The following PKD1L1 variants were observed in gnomAD, a reference collection of about 807,000 sequenced individuals.
PKD1L1 encodes the protein polycystin 1 like 1, transient receptor potential channel interacting.
In PKD1L1, 236 loss-of-function variants were observed where a neutral mutation model predicts 323.4. That is an observed-to-expected ratio of 0.73 (90% CI 0.66 to 0.81). PKD1L1 has a LOEUF of 0.81. Among genes scored for constraint, PKD1L1 ranks in the 40% least tolerant of loss-of-function variants. PKD1L1 has a pLI of 0.00. For synonymous variants in PKD1L1, 1,344 were observed against 1,335.0 expected (o/e 1.01, Z -0.15); for missense variants, 3,320 against 3,508.0 (o/e 0.95, Z 1.35).
rs114351478 is a variant in PKD1L1, at chr7:47,823,189, T to A, written c.6855-2003A>T. Among the ~76,000 whole-genome samples, 1,027 of 152,294 alleles carry A rather than the reference T, an allele frequency of 6.7e-3. 6 individuals are homozygous for A. Among genetic ancestry groups the A allele is most frequent in the African/African-American group, 0.023 (976 of 41,566 alleles). ...TCTCTCTATTAAGTATGATGTTAGG[T>A]GTCGAGTTTTCATAGATACCCTTTA... is the stretch of plus-strand genomic sequence containing the variant. On this transcript the variant is annotated intron_variant, in intron 45 of 56. Transcript: ENST00000289672.
At chr7:47,798,799 T>G (rs1784599683) in intron 54 of PKD1L1, among the ~76,000 whole-genome samples, 1 of 149,068 alleles carries the variant, frequency 6.7e-6, no homozygotes, top group Admixed American at 6.7e-5. Flanking sequence ...ACAAAAAAAA[T>G]TCTAGAAGAA....
intron 2 of PKD1L1, among the ~76,000 whole-genome samples, chr7:47,943,162 AAATATAT>A (rs1171602590): frequency 1.1e-3 from 26 of 22,628 alleles, no homozygotes; most frequent in African/African-American, 5.3e-3. Context: ...AAAAAAAAAA[AAATATAT>A]ATATATATAT....
rs145116707 is a variant in PKD1L1, at chr7:47,936,861, T to C, written c.383A>G (p.Asp128Gly). 34 of 1,612,828 alleles carry C rather than the reference T, an allele frequency of 2.1e-5. No individual in the cohort carries two copies. In the South Asian group the frequency reaches 2.3e-4, roughly 11 times the overall value. Residue 128 changes from aspartate (D) to glycine (G), a missense_variant, in exon 4 of 57, where the codon GAT becomes GGT. Asp to Gly is a moderately conservative substitution (Grantham distance 94). Transcript: ENST00000289672. ...NEKTQAPLDC[D>G]NSADRIPHKP... ...ATTGACATACCTATCAGCACTGTTATCACAATCCAGAGGCGCCTGTGTTTT... is the reference window on the plus strand; with the variant it reads ...ATTGACATACCTATCAGCACTGTTACCACAATCCAGAGGCGCCTGTGTTTT...
At chr7:47,957,862 A>AAAATATATATATATATAT in the PKD1L1 span, among the ~76,000 whole-genome samples, 35 of 134,664 alleles carry the variant, frequency 2.6e-4, no homozygotes, top group Admixed American at 3.9e-4. Flanking sequence ...ATTAAAAAAA[A>AAAATATATATATATATAT]ATATATATAT....
At chr7:47,857,463 T>C in intron 28 of PKD1L1, 142 bp downstream of exon 28, 4 of 663,940 alleles carry the variant, frequency 6.0e-6, no homozygotes, top group Non-Finnish European at 1.0e-5. Flanking sequence ...TTCTAAGTGA[T>C]CCCTCTTGGC....
intron 37 of PKD1L1, among the ~76,000 whole-genome samples, chr7:47,836,677 T>C (rs1785463093): frequency 6.6e-6 from 1 of 152,234 alleles, no homozygotes; most frequent in Admixed American, 6.5e-5. Context: ...CTGCTGGGCC[T>C]GGGCACGAGC....
At chr7:47,872,358 T>A (rs958413849) in intron 24 of PKD1L1, among the ~76,000 whole-genome samples, 2 of 139,448 alleles carry the variant, frequency 1.4e-5, no homozygotes, top group Non-Finnish European at 3.1e-5. Flanking sequence ...AAGAACAAAG[T>A]TAGTGGGCTC....
At chr7:47,900,067 G>T (rs1014050769) in intron 13 of PKD1L1, among the ~76,000 whole-genome samples, 61 of 151,880 alleles carry the variant, frequency 4.0e-4, no homozygotes, top group African/African-American at 1.3e-3. Context: ...TTCTTTAGGT[G>T]ACTTTAGTTA....
rs567016743 is a variant in PKD1L1, at chr7:47,818,958, G to A, written c.6965+2118C>T. ...CTTTATAGATGAAGATGCTAAGTCC[G>A]AGCACTTGCCAGAGTCACCTGGCAA... On this transcript the variant is annotated intron_variant, in intron 46 of 56. Coordinates refer to ENST00000289672, the MANE Select transcript of PKD1L1 (RefSeq NM_138295.5). Among the ~76,000 whole-genome samples, 8 of 152,212 alleles carry A rather than the reference G, an allele frequency of 5.3e-5. No homozygotes were observed. In the East Asian group the frequency reaches 9.7e-4, roughly 18 times the overall value.
chr7:47,951,102 C>T (rs916207093), upstream of PKD1L1, among the ~76,000 whole-genome samples: 3 of 152,186 alleles, frequency 2.0e-5, no homozygotes, highest in Non-Finnish European at 4.4e-5. Flanking sequence ...TTGAAAACTG[C>T]TTTAAGTAAA....
At chr7:47,793,209 A>C (rs1381106402) in intron 55 of PKD1L1, among the ~76,000 whole-genome samples, 1 of 152,188 alleles carries the variant, frequency 6.6e-6, no homozygotes, top group African/African-American at 2.4e-5. Flanking sequence ...ATAAAGCCCT[A>C]TCAAAATGTA....
At chr7:47,845,937 C>T (rs1483166666) in intron 32 of PKD1L1, among the ~76,000 whole-genome samples, 3 of 151,992 alleles carry the variant, frequency 2.0e-5, no homozygotes, top group African/African-American at 4.8e-5. Context: ...AGAGTAGTTA[C>T]GTAATGGAGA....
At position 47,893,887 on chromosome 7, in the gene PKD1L1, G is replaced by A. The variant is rs1427881828; in HGVS notation, c.2444C>T (p.Ala815Val). The change falls in exon 15 of 57, where the codon GCG (alanine) becomes GTG (valine). Residue 815 changes from alanine (A) to valine (V), a missense_variant. Transcript: ENST00000289672. ...TGGGGGTGGTGCTCACCTGAGAGTC[G>A]CCCCAGGGTCGTCAGGGTCGAAGGA... Reference protein sequence around the residue: ...TQSFDPDDPGATLRYHWECAT... With the variant: ...TQSFDPDDPGVTLRYHWECAT... The A allele has an allele frequency of 3.1e-6, 5 of 1,612,972 alleles. No individual in the cohort carries two copies. Among genetic ancestry groups the A allele is most frequent in the Admixed American group, 1.7e-5 (1 of 59,906 alleles).
chr7:47,863,640 A>T (rs1786084232), intron 26 of PKD1L1, among the ~76,000 whole-genome samples: 1 of 152,190 alleles, frequency 6.6e-6, no homozygotes, highest in African/African-American at 2.4e-5. Context: ...GAAGGTGTCC[A>T]GTGGATTTGG....
intron 56 of PKD1L1, among the ~76,000 whole-genome samples, chr7:47,777,682 T>G (rs1786599569): frequency 6.6e-6 from 1 of 152,176 alleles, no homozygotes; most frequent in African/African-American, 2.4e-5. Context: ...GCCATGCTGC[T>G]GCTATAACAA....
At chr7:47,808,501 C>G in intron 51 of PKD1L1, 114 bp from the exon 52 acceptor site, 1 of 1,300,198 alleles carries the variant, frequency 7.7e-7, no homozygotes, top group Non-Finnish European at 1.1e-6. Flanking sequence ...TACAGGGATG[C>G]CTTCTGAGAA....
At chr7:47,854,470 C>T (rs1044439372) in intron 30 of PKD1L1, among the ~76,000 whole-genome samples, 2 of 152,044 alleles carry the variant, frequency 1.3e-5, no homozygotes, top group African/African-American at 4.8e-5. Context: ...TATTTATTAA[C>T]TGGGGCCTAT....
chr7:47,906,001 A>G (rs1328525199), intron 9 of PKD1L1, 39 bp from the exon 10 acceptor site: 2 of 1,531,790 alleles, frequency 1.3e-6, no homozygotes, highest in South Asian at 2.5e-5. Flanking sequence ...AAAAAGTCTT[A>G]AAATTAATTC....
intron 22 of PKD1L1, among the ~76,000 whole-genome samples, chr7:47,876,802 A>G (rs1301086926): frequency 6.6e-6 from 1 of 151,692 alleles, no homozygotes. Flanking sequence ...TTTTTTTGAG[A>G]TAAGTCTCAC....
Sources: allele counts gnomAD v4.1 joint callset (sites outside exome capture counted in the v4.1 genomes callset), GRCh38; gene constraint gnomAD v4.1.1; transcripts MANE v1.5; gene names NCBI Gene and HGNC (gene_info 2026-07-23, HGNC 2026-07-21).